Variants in ACSL1 observed in about 807,000 individuals in gnomAD.
The protein encoded by ACSL1 is long-chain-fatty-acid--CoA ligase 1.
A neutral mutation model predicts 98.4 loss-of-function variants in ACSL1; 41 were observed. The ratio of observed to expected loss-of-function variants is 0.42; its 90% CI spans 0.32 to 0.54. ACSL1 has a LOEUF of 0.54. Ranked by LOEUF, ACSL1 falls within the 20% of genes least tolerant of loss-of-function variation. The pLI is 0.13. For missense variants in ACSL1, 734 were observed against 883.1 expected (o/e 0.83, Z 2.14); for synonymous variants, 316 against 322.7 (o/e 0.98, Z 0.22).
chr4:184,757,351 C>T lies in ACSL1; in HGVS notation c.1957-86G>A. The T allele has an allele frequency of 1.4e-6, 2 of 1,474,030 alleles. No homozygotes were observed. Among genetic ancestry groups the T allele is most frequent in the Non-Finnish European group, 1.8e-6 (2 of 1,097,880 alleles). 91.3% of individuals were successfully genotyped at this position (1,474,030 alleles called of 1,614,324 possible). On this transcript the variant is annotated intron_variant, in intron 20 of 20. Transcript: ENST00000281455. The surrounding 1 kb of genome is among the most constrained non-coding windows in gnomAD (Gnocchi z 4.5). Reference sequence around the variant, plus strand: ...ACGTAAGCCTTGGAGGGGATCAACACTCTCCAGCCATCCAATCCATCCTCT... The same window carrying T: ...ACGTAAGCCTTGGAGGGGATCAACATTCTCCAGCCATCCAATCCATCCTCT...
intron 3 of ACSL1, among the ~76,000 whole-genome samples, chr4:184,788,053 G>A (rs1767704432): frequency 1.3e-5 from 2 of 152,280 alleles, no homozygotes; most frequent in South Asian, 4.1e-4. Flanking sequence ...GAGAGCAGAG[G>A]TAGTCGTGGC....
In ACSL1 at chr4:184,757,361, A is replaced by T; in HGVS notation, c.1957-96T>A. The T allele has an allele frequency of 7.1e-7, 1 of 1,413,728 alleles. No homozygotes were observed. The highest frequency in any genetic ancestry group is 2.4e-5 in the Admixed American group (1 of 41,592). The allele number at this position is 1,413,728 out of a possible 1,614,324, so 87.6% of individuals were successfully genotyped here. A position where few individuals can be genotyped will look rare whatever the true frequency, so the allele number is the denominator to read the frequency against. The stretch of plus-strand genomic sequence containing the variant: ...TGGAGGGGATCAACACTCTCCAGCC[A>T]TCCAATCCATCCTCTCATTTCAGCC... On this transcript the variant is annotated intron_variant, in intron 20 of 20. Coordinates refer to ENST00000281455, the MANE Select transcript of ACSL1 (RefSeq NM_001995.5). This position sits in a 1 kb window ranked among gnomAD's most constrained non-coding sequence, Gnocchi z 4.5.
Position 184,825,199 on chromosome 4 carries a change from C to T in ACSL1, c.-33+717G>A. The T allele has an allele frequency of 1.0e-6, 1 of 985,410 alleles. No homozygotes were observed. The highest frequency in any genetic ancestry group is 1.2e-6 in the Non-Finnish European group (1 of 829,926). The allele number at this position is 985,410 out of a possible 1,614,324, so 61.0% of individuals were successfully genotyped here. On this transcript the variant is annotated intron_variant, in intron 1 of 20. Transcript: ENST00000281455. The surrounding 1 kb of genome is among the most constrained non-coding windows in gnomAD (Gnocchi z 4.7). ...GGAACGCCTGTCCCCAGACTCGAAT[C>T]CACGTGTCCATTCAAGTCATCTACC...
chr4:184,762,923 G>A (rs1763060268), intron 16 of ACSL1, among the ~76,000 whole-genome samples: 1 of 152,210 alleles, frequency 6.6e-6, no homozygotes, highest in Non-Finnish European at 1.5e-5. Context: ...TTTCTTTGCA[G>A]GCTCTCCAGC....
intron 12 of ACSL1, chr4:184,768,022 A>C: frequency 2.1e-6 from 1 of 467,250 alleles, no homozygotes; most frequent in Non-Finnish European, 3.7e-6. Flanking sequence ...CGTGTTACAC[A>C]TGAGGAAGCA....
At chr4:184,795,415 A>G (rs1266639281) in intron 2 of ACSL1, among the ~76,000 whole-genome samples, 1 of 152,240 alleles carries the variant, frequency 6.6e-6, no homozygotes, top group African/African-American at 2.4e-5. Context: ...GTACAAAATC[A>G]AATTGTGTTT....
rs756815819 is a variant in ACSL1, at chr4:184,803,444, G to C, written c.71C>G (p.Thr24Ser). ...ELVDFRQYVR[T>S]LPTNTLMGFG... is the part of the protein sequence containing the mutation. ...GCCCATAAGCGTGTTGGTCGGAAGA[G>C]TACGCACGTACTGTCGGAAGTCAAC... is the stretch of plus-strand genomic sequence containing the variant. Residue 24 changes from threonine to serine, a missense_variant, in exon 2 of 21, where the codon ACT becomes AGT. Coordinates refer to ENST00000281455, the MANE Select transcript of ACSL1 (RefSeq NM_001995.5). This position sits in a 1 kb window ranked among gnomAD's most constrained non-coding sequence, Gnocchi z 4.8. The C allele has an allele frequency of 6.2e-7, 1 of 1,613,684 alleles. No homozygotes were observed. The highest frequency in any genetic ancestry group is 2.2e-5 in the East Asian group (1 of 44,862).
chr4:184,760,544 G>C (rs757069149), intron 17 of ACSL1, 44 bp from the exon 18 acceptor site: 1 of 1,610,406 alleles, frequency 6.2e-7, no homozygotes, highest in Admixed American at 1.7e-5. Flanking sequence ...CTGATGGCTG[G>C]TTTCCAACCA....
At chr4:184,791,745 G>C in intron 2 of ACSL1, among the ~76,000 whole-genome samples, 1 of 152,180 alleles carries the variant, frequency 6.6e-6, no homozygotes, top group Non-Finnish European at 1.5e-5. Flanking sequence ...GTGGGAGTTG[G>C]GAGCCGGGAA....
chr4:184,817,989 T>G (rs923914358), intron 1 of ACSL1, among the ~76,000 whole-genome samples: 1 of 152,110 alleles, frequency 6.6e-6, no homozygotes, highest in East Asian at 1.9e-4. Flanking sequence ...CTGACTCACA[T>G]CAGGAGAGAA....
chr4:184,806,221 G>T (rs992533848), intron 1 of ACSL1, among the ~76,000 whole-genome samples: 1 of 152,168 alleles, frequency 6.6e-6, no homozygotes, highest in Non-Finnish European at 1.5e-5. Context: ...TCTGAGGAAG[G>T]GATGTACACC....
intron 2 of ACSL1, among the ~76,000 whole-genome samples, chr4:184,792,006 G>A (rs1768461199): frequency 6.6e-6 from 1 of 152,138 alleles, no homozygotes; most frequent in African/African-American, 2.4e-5. Context: ...TGCTCTGGAG[G>A]ACCATTTTAT....
intron 1 of ACSL1, among the ~76,000 whole-genome samples, chr4:184,810,962 T>A (rs974043092): frequency 1.4e-4 from 21 of 152,054 alleles, no homozygotes; most frequent in Admixed American, 1.1e-3. Context: ...TAGTTCCACA[T>A]GAGAACAGGA....
intron 1 of ACSL1, chr4:184,805,391 T>C (rs774966876): frequency 2.8e-6 from 2 of 710,166 alleles, no homozygotes; most frequent in Non-Finnish European, 3.5e-6. Flanking sequence ...GTAAGTGTAC[T>C]CACTCACACA....
At chr4:184,771,371 A>AAGGAGGAAAG (rs760041045) in intron 10 of ACSL1, among the ~76,000 whole-genome samples, 1 of 152,230 alleles carries the variant, frequency 6.6e-6, no homozygotes, top group Non-Finnish European at 1.5e-5. Flanking sequence ...TGTTAAGGGA[A>AAGGAGGAAAG]AGGAGGAAAG....
In ACSL1 at chr4:184,773,723, T is replaced by TAA. The variant is rs113114146; in HGVS notation, c.790-11_790-10dup. Reference sequence around the variant, plus strand: ...TCTTCAGGTGCTGGAGGCTAAAGATTAAAAAAAAAAAAAGCTGGTATAAAT... The same window carrying TAA: ...TCTTCAGGTGCTGGAGGCTAAAGATTAAAAAAAAAAAAAAAGCTGGTATAAAT... On this transcript the variant is annotated splice_polypyrimidine_tract_variant and intron_variant, in intron 8 of 20. Coordinates refer to ENST00000281455, the MANE Select transcript of ACSL1 (RefSeq NM_001995.5). The surrounding 1 kb of genome is among the most constrained non-coding windows in gnomAD (Gnocchi z 4.3). The TAA allele has an allele frequency of 6.3e-5, 89 of 1,414,838 alleles. No individual in the cohort carries two copies. The highest frequency in any genetic ancestry group is 4.9e-4 in the African/African-American group (33 of 67,104). 87.6% of individuals were successfully genotyped at this position (1,414,838 alleles called of 1,614,324 possible).
intron 1 of ACSL1, among the ~76,000 whole-genome samples, chr4:184,809,204 C>T (rs112511647): frequency 6.6e-6 from 1 of 152,212 alleles, no homozygotes; most frequent in Non-Finnish European, 1.5e-5. Context: ...TACTTCTACA[C>T]TTAAACCACT....
chr4:184,804,360 A>G lies in ACSL1; in HGVS notation c.-32-814T>C, dbSNP rs548323586. 6.4e-4 allele frequency among the ~76,000 whole-genome samples: 97 copies of G among 152,286 alleles called. 1 individual carries two copies. Among genetic ancestry groups the G allele is most frequent in the African/African-American group, 2.3e-3 (94 of 41,570 alleles). On this transcript the variant is annotated intron_variant, in intron 1 of 20. Transcript: ENST00000281455. ...TTTGGGAAGCCGAGGCGGGTGGATC[A>G]CCTGAGGTCAAGAGTTTGAGATCAG...
At chr4:184,784,954 T>C (rs1766964072) in intron 3 of ACSL1, among the ~76,000 whole-genome samples, 1 of 152,206 alleles carries the variant, frequency 6.6e-6, no homozygotes, top group Non-Finnish European at 1.5e-5. Flanking sequence ...AATCAGATGT[T>C]GCTTCCAGAT....
Sources: allele counts gnomAD v4.1 joint callset (sites outside exome capture counted in the v4.1 genomes callset), GRCh38; gene constraint gnomAD v4.1.1; non-coding constraint Gnocchi (gnomAD v3.1); transcripts MANE v1.5; gene names NCBI Gene and HGNC (gene_info 2026-07-23, HGNC 2026-07-21).